Variants in SPRY3 observed in about 807,000 individuals in gnomAD.
SPRY3 encodes the protein protein sprouty homolog 3.
A neutral mutation model predicts 20.2 loss-of-function variants in SPRY3; 15 were observed. The observed-to-expected ratio is 0.74, with a 90% CI of 0.50 to 1.14. SPRY3 has a LOEUF of 1.14. Among genes scored for constraint, SPRY3 ranks in the 50% most tolerant of loss-of-function variants. The pLI, the probability that SPRY3 is intolerant of heterozygous loss-of-function variation, is 0.00. For synonymous variants in SPRY3, 143 were observed against 136.5 expected (o/e 1.05, Z -0.33); for missense variants, 364 against 363.9 (o/e 1.00, Z 0.00).
At chrX:155,713,748 C>A (rs2091002850) in intron 2 of SPRY3, among the ~76,000 whole-genome samples, 1 of 149,244 alleles carries the variant, frequency 6.7e-6, no homozygotes, top group Non-Finnish European at 1.5e-5. Flanking sequence ...AGGTTTGGGA[C>A]ATTCTGTCAT....
chrX:155,673,261 A>C (rs1220475855), intron 2 of SPRY3, among the ~76,000 whole-genome samples: 2 of 110,359 alleles, frequency 1.8e-5, no homozygotes, highest in Non-Finnish European at 3.8e-5. Context: ...AAAAAAAAAA[A>C]CCTTAAGACA....
At chrX:155,728,373 A>T (rs369925654) in intron 2 of SPRY3, among the ~76,000 whole-genome samples, 6 of 152,324 alleles carry the variant, frequency 3.9e-5, no homozygotes, top group South Asian at 2.1e-4. Flanking sequence ...TTAAGTCTGC[A>T]CAAGTTTCTG....
At chrX:155,771,601 A>T (rs1296130966) in intron 3 of SPRY3, among the ~76,000 whole-genome samples, 2 of 152,146 alleles carry the variant, frequency 1.3e-5, no homozygotes, top group Non-Finnish European at 2.9e-5. Context: ...TTTCTCATAA[A>T]TTTGTCAAAA....
At chrX:155,703,821 G>A (rs1389195371) in intron 2 of SPRY3, among the ~76,000 whole-genome samples, 3 of 151,834 alleles carry the variant, frequency 2.0e-5, no homozygotes, top group Non-Finnish European at 1.5e-5. Context: ...TGGTGTCTTT[G>A]TTCTCGTTGG....
At chrX:155,621,185 T>C (rs1302110232) in intron 1 of SPRY3, among the ~76,000 whole-genome samples, 1 of 111,936 alleles carries the variant, frequency 8.9e-6, no homozygotes, top group Non-Finnish European at 1.9e-5. Context: ...GTCACTATCA[T>C]TATCTTCAGT....
Position 155,730,473 on chromosome X carries a change from A to T in SPRY3, c.-281-37489A>T, listed in dbSNP as rs187706951. 1.6e-4 allele frequency among the ~76,000 whole-genome samples: 25 copies of T among 152,308 alleles called. No homozygotes were observed. The Middle Eastern group carries it at 0.01, about 62-fold the overall frequency. On this transcript the variant is annotated intron_variant, in intron 2 of 3. Transcript: ENST00000675360. Reference sequence around the variant, plus strand: ...TCAATAGATGCTGAAAAAGCATTTGATAAAATTTGACATCGCTTCATTATA... The same window carrying T: ...TCAATAGATGCTGAAAAAGCATTTGTTAAAATTTGACATCGCTTCATTATA...
chrX:155,749,585 T>C (rs2091249140), intron 2 of SPRY3, among the ~76,000 whole-genome samples: 1 of 151,772 alleles, frequency 6.6e-6, no homozygotes, highest in African/African-American at 2.4e-5. Flanking sequence ...GGGTTTTGAC[T>C]AATAGCAAGG....
At chrX:155,718,356 C>A (rs1031941121) in intron 2 of SPRY3, among the ~76,000 whole-genome samples, 1 of 151,972 alleles carries the variant, frequency 6.6e-6, no homozygotes, top group African/African-American at 2.4e-5. Flanking sequence ...TAGCACTGTG[C>A]CCCATAACTA....
intron 2 of SPRY3, among the ~76,000 whole-genome samples, chrX:155,756,528 G>T (rs1454974609): frequency 6.6e-6 from 1 of 152,048 alleles, no homozygotes; most frequent in African/African-American, 2.4e-5. Context: ...TGTCATAGAG[G>T]TAAGTTCTCT....
chrX:155,629,113 C>T (rs1354460202), intron 1 of SPRY3, among the ~76,000 whole-genome samples: 2 of 107,287 alleles, frequency 1.9e-5, no homozygotes, highest in South Asian at 4.2e-4. Flanking sequence ...CCCATTAACT[C>T]GTCATTTACA....
At chrX:155,775,242 C>T (rs2091416892) in exon 4 of SPRY3, 1 of 179,052 alleles carries the variant, frequency 5.6e-6, no homozygotes, top group African/African-American at 2.4e-5. Context: ...TCTCCTCTTT[C>T]ATTATTCTGT....
intron 2 of SPRY3, among the ~76,000 whole-genome samples, chrX:155,743,928 T>G (rs1376659044): frequency 6.6e-6 from 1 of 152,122 alleles, no homozygotes; most frequent in Non-Finnish European, 1.5e-5. Flanking sequence ...ATATTTATAT[T>G]AAGAGATAAA....
chrX:155,661,634 T>G (rs782331511), intron 2 of SPRY3, among the ~76,000 whole-genome samples: 5 of 111,787 alleles, frequency 4.5e-5, no homozygotes, highest in Non-Finnish European at 9.4e-5. Context: ...TTTCCAAACT[T>G]TTTACTTTTT....
chrX:155,774,452 T>C, exon 4 of SPRY3: 1 of 1,614,012 alleles, frequency 6.2e-7, no homozygotes, highest in Non-Finnish European at 8.5e-7. Flanking sequence ...GTCAAGGGCC[T>C]CTTCTACCAC....
At chrX:155,672,176 C>A (rs2068042906) in intron 2 of SPRY3, among the ~76,000 whole-genome samples, 1 of 111,074 alleles carries the variant, frequency 9.0e-6, no homozygotes, top group Non-Finnish European at 1.9e-5. Context: ...TTTTCCAATT[C>A]TGTGAAGAAA....
In SPRY3 at chrX:155,697,522, C is replaced by CACACAT. The variant is rs750002413; in HGVS notation, c.-282+40498_-282+40499insCACATA. On this transcript the variant is annotated intron_variant, in intron 2 of 3. Coordinates refer to ENST00000675360, the Ensembl canonical transcript of SPRY3. ...ACATACACACACACACACACACACA[C>CACACAT]ATATATATATATATACACATATATA... 1.6e-3 allele frequency among the ~76,000 whole-genome samples: 162 copies of CACACAT among 99,328 alleles called. 1 individual carries two copies. Among genetic ancestry groups the CACACAT allele is most frequent in the African/African-American group, 4.0e-3 (104 of 25,770 alleles). 86.3% of individuals were successfully genotyped at this position (99,328 alleles called of 115,157 possible).
intron 1 of SPRY3, 170 bp downstream of exon 1, chrX:155,612,817 C>G: frequency 8.9e-6 from 1 of 112,129 alleles, no homozygotes; most frequent in Middle Eastern, 4.2e-3. Context: ...TGACTGCTAA[C>G]TCCGCAGAGT....
chrX:155,755,535 T>C (rs183230083), intron 2 of SPRY3, among the ~76,000 whole-genome samples: 5 of 152,190 alleles, frequency 3.3e-5, no homozygotes, highest in Non-Finnish European at 5.9e-5. Flanking sequence ...AGTTGCCCTA[T>C]TCTAAAATGT....
chrX:155,720,463 C>A (rs1379773747), intron 2 of SPRY3, among the ~76,000 whole-genome samples: 2 of 152,024 alleles, frequency 1.3e-5, no homozygotes, highest in African/African-American at 2.4e-5. Flanking sequence ...TAGGCATTAG[C>A]CAGGTAGTAG....
Sources: gnomAD v4.1 joint callset for allele counts (sites outside exome capture counted in the v4.1 genomes callset) on GRCh38, gnomAD v4.1.1 for gene constraint, MANE v1.5 for transcripts, NCBI Gene and HGNC (gene_info 2026-07-23, HGNC 2026-07-21) for gene names.